RBFOX1: variants seen among roughly 807,000 people sequenced by gnomAD.
RBFOX1 encodes the protein RNA binding fox-1 homolog 1.
Under a neutral mutation model 57.7 loss-of-function variants are expected in RBFOX1, and 8 were observed. The observed-to-expected ratio is 0.14, with a 90% CI of 0.08 to 0.25. The LOEUF (loss-of-function observed/expected upper bound fraction) is 0.25. Ranked by LOEUF, RBFOX1 falls within the 10% of genes least tolerant of loss-of-function variation. The pLI, the probability that RBFOX1 is intolerant of heterozygous loss-of-function variation, is 1.00. For synonymous variants in RBFOX1, 326 were observed against 222.4 expected, an observed-to-expected ratio of 1.47 and a Z score of -4.15; for missense variants, 611 against 548.5, an observed-to-expected ratio of 1.11 and a Z score of -1.14.
At chr16:6,940,264 G>A (rs907579523) in intron 3 of RBFOX1, among the ~76,000 whole-genome samples, 1 of 152,186 alleles carries the variant, frequency 6.6e-6, no homozygotes, top group African/African-American at 2.4e-5. Context: ...GCTTGGGCAT[G>A]AGTCCTTGTT....
At chr16:7,017,731 A>T (rs1403750838) in intron 3 of RBFOX1, among the ~76,000 whole-genome samples, 1 of 152,026 alleles carries the variant, frequency 6.6e-6, no homozygotes, top group South Asian at 2.1e-4. Flanking sequence ...CGTTTTCACA[A>T]CCCTGTGACA....
chr16:7,081,461 GC>G (rs1190056232), intron 4 of RBFOX1, among the ~76,000 whole-genome samples: 1 of 152,184 alleles, frequency 6.6e-6, no homozygotes, highest in African/African-American at 2.4e-5. Flanking sequence ...TCAAAGGGAA[GC>G]TGTTCTTGGC....
chr16:7,058,001 G>T (rs535332342), intron 4 of RBFOX1, among the ~76,000 whole-genome samples: 3 of 75,446 alleles, frequency 4.0e-5, no homozygotes, highest in Non-Finnish European at 8.8e-5. Flanking sequence ...GAGGGAGACT[G>T]TGGGGAAAAA....
chr16:5,268,299 G>A (rs191114701), intron 1 of RBFOX1, among the ~76,000 whole-genome samples: 8 of 152,318 alleles, frequency 5.3e-5, no homozygotes, highest in Admixed American at 2.6e-4. Flanking sequence ...CCGTATAACT[G>A]TGCCTGGATT....
intron 2 of RBFOX1, among the ~76,000 whole-genome samples, chr16:5,525,496 T>A (rs1330509051): frequency 7.2e-6 from 1 of 138,034 alleles, no homozygotes; most frequent in Non-Finnish European, 1.5e-5. Flanking sequence ...ACACTATTTT[T>A]TTTTTTTTTT....
At chr16:5,513,252 G>C (rs1441872076) in intron 2 of RBFOX1, among the ~76,000 whole-genome samples, 2 of 152,088 alleles carry the variant, frequency 1.3e-5, no homozygotes, top group African/African-American at 4.8e-5. Flanking sequence ...TTTCAGCTCA[G>C]GGTATCTTGG....
chr16:7,582,470 T>C (rs1254127440), intron 6 of RBFOX1, among the ~76,000 whole-genome samples: 1 of 152,166 alleles, frequency 6.6e-6, no homozygotes, highest in Non-Finnish European at 1.5e-5. Context: ...AGAAATGCAG[T>C]TTTATGCACT....
intron 1 of RBFOX1, among the ~76,000 whole-genome samples, chr16:5,438,332 G>T (rs2067978901): frequency 6.6e-6 from 1 of 152,186 alleles, no homozygotes; most frequent in Non-Finnish European, 1.5e-5. Flanking sequence ...AGGATCTATG[G>T]CTCAGATTCA....
intron 2 of RBFOX1, among the ~76,000 whole-genome samples, chr16:6,381,268 C>G: frequency 6.6e-6 from 1 of 152,086 alleles, no homozygotes; most frequent in East Asian, 1.9e-4. Context: ...ATTTAGTGTA[C>G]CCATCACTGG....
intron 4 of RBFOX1, among the ~76,000 whole-genome samples, chr16:7,066,821 A>T (rs1186504309): frequency 1.3e-5 from 2 of 152,178 alleles, no homozygotes; most frequent in Non-Finnish European, 2.9e-5. Context: ...GGAGCACTTG[A>T]TGTCAACTCT....
intron 2 of RBFOX1, among the ~76,000 whole-genome samples, chr16:6,641,145 T>A (rs1406176692): frequency 6.6e-6 from 1 of 152,294 alleles, no homozygotes; most frequent in Admixed American, 6.5e-5. Context: ...AAGGTGCCTA[T>A]CAAAGTGTAA....
intron 2 of RBFOX1, chr16:6,483,663 C>A: frequency 8.3e-7 from 1 of 1,202,722 alleles, no homozygotes; most frequent in South Asian, 1.9e-5. Flanking sequence ...AGCCCACTGA[C>A]TCCGCGGGAG....
intron 3 of RBFOX1, among the ~76,000 whole-genome samples, chr16:7,022,251 C>T (rs1054100153): frequency 1.3e-5 from 2 of 150,874 alleles, no homozygotes; most frequent in African/African-American, 2.4e-5. Flanking sequence ...CGGGATTTCA[C>T]CATGTTGGCC....
At chr16:7,600,967 G>C (rs8061013) in intron 9 of RBFOX1, among the ~76,000 whole-genome samples, 73,301 of 151,980 alleles carry the variant, frequency 0.48, 21,132 homozygotes, top group Non-Finnish European at 0.63. Context: ...CTATTTCTCT[G>C]AAGGACACCT....
chr16:7,330,620 T>G (rs1179114130), intron 4 of RBFOX1, among the ~76,000 whole-genome samples: 1 of 151,982 alleles, frequency 6.6e-6, no homozygotes, highest in Non-Finnish European at 1.5e-5. Context: ...GTTTGCTTAT[T>G]GAAGCATTCT....
At chr16:6,809,821 C>T (rs1018365311) in intron 3 of RBFOX1, among the ~76,000 whole-genome samples, 1 of 152,134 alleles carries the variant, frequency 6.6e-6, no homozygotes, top group Non-Finnish European at 1.5e-5. Flanking sequence ...TTCCAATTCT[C>T]TGGAAGAGTG....
At chr16:5,834,024 C>G (rs1265820043) in intron 3 of RBFOX1, among the ~76,000 whole-genome samples, 2 of 152,162 alleles carry the variant, frequency 1.3e-5, no homozygotes, top group African/African-American at 4.8e-5. Flanking sequence ...GATTTTTATC[C>G]TCAGTGTCCA....
chr16:7,663,479 C>A (rs968288956), intron 12 of RBFOX1, among the ~76,000 whole-genome samples: 2 of 151,080 alleles, frequency 1.3e-5, no homozygotes, highest in Admixed American at 6.6e-5. Flanking sequence ...ACCAGTGTCA[C>A]AGCTGCGTGT....
At chr16:6,800,322 G>A (rs1220418857) in intron 3 of RBFOX1, among the ~76,000 whole-genome samples, 3 of 152,176 alleles carry the variant, frequency 2.0e-5, no homozygotes, top group Non-Finnish European at 2.9e-5. Flanking sequence ...CGGGCTGGTA[G>A]TACCAAAAGT....
Sources: allele counts gnomAD v4.1 joint callset (sites outside exome capture counted in the v4.1 genomes callset), GRCh38; gene constraint gnomAD v4.1.1; transcripts MANE v1.5; gene names NCBI Gene and HGNC (gene_info 2026-07-23, HGNC 2026-07-21).